The following USH2A variants were observed in gnomAD, a reference collection of about 807,000 sequenced individuals.
The protein encoded by USH2A is usherin.
USH2A carries 443 observed loss-of-function variants against 538.9 expected under a neutral mutation model. The observed-to-expected ratio is 0.82, with a 90% CI of 0.76 to 0.89. The LOEUF (loss-of-function observed/expected upper bound fraction) is 0.89, where lower values mean the gene tolerates loss of function less well. USH2A is among the 40% of genes least tolerant of loss of function. The pLI is 0.00. For missense variants in USH2A, 6,633 were observed against 6,324.8 expected (o/e 1.05, Z -1.65); for synonymous variants, 2,413 against 2,273.5 (o/e 1.06, Z -1.75).
intron 13 of USH2A, among the ~76,000 whole-genome samples, chr1:216,241,497 C>T (rs2102537170): frequency 6.6e-6 from 1 of 151,186 alleles, no homozygotes; most frequent in African/African-American, 2.4e-5. Flanking sequence ...TTTCCTGGCT[C>T]TTTTTTTGGA....
intron 4 of USH2A, among the ~76,000 whole-genome samples, chr1:216,355,035 T>C (rs963533219): frequency 1.3e-5 from 2 of 151,950 alleles, no homozygotes; most frequent in Admixed American, 1.3e-4. Context: ...AGGCCAGGCA[T>C]GGTGGCTCAC....
At chr1:216,198,672 GC>G in intron 17 of USH2A, 88 bp from the exon 18 acceptor site, 1 of 1,186,784 alleles carries the variant, frequency 8.4e-7, no homozygotes, top group South Asian at 1.3e-5. Flanking sequence ...GTTAAAGAGT[GC>G]TGGATATTCA....
At chr1:216,360,731 C>A (rs1284499165) in intron 4 of USH2A, among the ~76,000 whole-genome samples, 1 of 151,836 alleles carries the variant, frequency 6.6e-6, no homozygotes. Context: ...GAAGGAAAAC[C>A]AATGAATATG....
chr1:216,198,233 T>G, intron 18 of USH2A, 82 bp downstream of exon 18: 1 of 1,598,548 alleles, frequency 6.3e-7, no homozygotes, highest in Non-Finnish European at 8.5e-7. Flanking sequence ...CAAAATGTAC[T>G]TTCACAGTAC....
intron 38 of USH2A, among the ~76,000 whole-genome samples, chr1:215,931,089 G>A (rs1279115119): frequency 6.6e-6 from 1 of 151,750 alleles, no homozygotes; most frequent in Non-Finnish European, 1.5e-5. Flanking sequence ...AAACAGAGAC[G>A]CCCCTCCAGT....
intron 62 of USH2A, among the ~76,000 whole-genome samples, chr1:215,677,408 C>T (rs1658069043): frequency 6.6e-6 from 1 of 152,202 alleles, no homozygotes; most frequent in Admixed American, 6.5e-5. Flanking sequence ...ATCCCACAGT[C>T]TCCACCTATT....
At chr1:216,208,921 G>A (rs1409633455) in intron 15 of USH2A, among the ~76,000 whole-genome samples, 1 of 152,098 alleles carries the variant, frequency 6.6e-6, no homozygotes, top group Non-Finnish European at 1.5e-5. Flanking sequence ...GGTTTTTATT[G>A]GGGGCTGTTC....
intron 36 of USH2A, among the ~76,000 whole-genome samples, chr1:215,966,734 C>G (rs1446045022): frequency 6.6e-6 from 1 of 152,026 alleles, no homozygotes; most frequent in Non-Finnish European, 1.5e-5. Flanking sequence ...TATTTTATGA[C>G]AATGTAATTT....
intron 5 of USH2A, 31 bp from the exon 6 acceptor site, chr1:216,325,630 C>G (rs567188455): frequency 6.2e-7 from 1 of 1,604,540 alleles, no homozygotes; most frequent in South Asian, 1.1e-5. Flanking sequence ...ACTGTAAGGA[C>G]AAAGAGCTTA....
At chr1:216,386,916 G>A (rs2039018693) in intron 3 of USH2A, among the ~76,000 whole-genome samples, 1 of 152,126 alleles carries the variant, frequency 6.6e-6, no homozygotes, top group South Asian at 2.1e-4. Context: ...GCAGCTTTCA[G>A]TGAAGAGCTT....
chr1:216,095,891 G>C (rs544221736), intron 22 of USH2A, among the ~76,000 whole-genome samples: 6 of 152,282 alleles, frequency 3.9e-5, no homozygotes, highest in Admixed American at 2.6e-4. Context: ...TGGATACAGA[G>C]GGTGAACGTT....
intron 21 of USH2A, among the ~76,000 whole-genome samples, chr1:216,164,144 A>G (rs1461561598): frequency 6.6e-6 from 1 of 152,140 alleles, no homozygotes; most frequent in African/African-American, 2.4e-5. Context: ...GACAGCAATC[A>G]TAACATCAGC....
rs777043718 is a variant in USH2A at position 215,782,764 on chromosome 1, T to A, written c.10559A>T (p.Asn3520Ile). ...IDNLEDTIVL[N>I]WRKPIQSNGP... ...ATTTGATTGTATAGGTTTTCTCCAG[T>A]TTAAGACAATTGTATCTTCAAGATT... is the stretch of plus-strand genomic sequence containing the variant. The change falls in exon 53 of 72, where the codon AAC (asparagine) becomes ATC (isoleucine). Residue 3520 changes from asparagine (N) to isoleucine (I), a missense_variant. Asn to Ile is a moderately radical substitution (Grantham distance 149). Transcript: ENST00000307340. 1 of 1,613,912 alleles carries A rather than the reference T, an allele frequency of 6.2e-7. No homozygotes were observed. The highest frequency in any genetic ancestry group is 8.5e-7 in the Non-Finnish European group (1 of 1,179,874).
In USH2A at chr1:215,759,678, T is replaced by C. The variant is rs1416382590; in HGVS notation, c.11213A>G (p.Asn3738Ser). ...AGTTTACCTGCTATTGGGCTCCAGGTTTTTATCAGTGAAATTCTGCTCCTC... is the reference window on the plus strand; with the variant it reads ...AGTTTACCTGCTATTGGGCTCCAGGCTTTTATCAGTGAAATTCTGCTCCTC... ...GSEEQNFTDK[N>S]LEPNSRYTYK... Residue 3738 changes from asparagine (N) to serine (S), a missense_variant, in exon 57 of 72, where the codon AAC (asparagine) becomes AGC (serine). Transcript: ENST00000307340. 6.2e-7 allele frequency: 1 copy of C among 1,613,964 alleles called. No homozygotes were observed. The highest frequency in any genetic ancestry group is 1.7e-5 in the Admixed American group (1 of 60,006).
At chr1:215,896,567 C>T (rs1199232526) in intron 40 of USH2A, among the ~76,000 whole-genome samples, 1 of 152,086 alleles carries the variant, frequency 6.6e-6, no homozygotes, top group Non-Finnish European at 1.5e-5. Context: ...AAGAATACAT[C>T]CACATTTAAG....
At chr1:216,102,731 C>T (rs1393745943) in intron 21 of USH2A, among the ~76,000 whole-genome samples, 1 of 152,126 alleles carries the variant, frequency 6.6e-6, no homozygotes, top group African/African-American at 2.4e-5. Flanking sequence ...ACCCGAAAGG[C>T]GGAGCTTGCA....
At chr1:215,904,792 A>G (rs1665590271) in intron 38 of USH2A, among the ~76,000 whole-genome samples, 1 of 152,124 alleles carries the variant, frequency 6.6e-6, no homozygotes, top group Non-Finnish European at 1.5e-5. Context: ...TATAAACTCA[A>G]AGGAAGTGGG....
chr1:216,236,420 C>G (rs925985604), intron 13 of USH2A, among the ~76,000 whole-genome samples: 1 of 152,122 alleles, frequency 6.6e-6, no homozygotes, highest in African/African-American at 2.4e-5. Flanking sequence ...TCAGTTTCCC[C>G]TACTAAATCA....
intron 52 of USH2A, among the ~76,000 whole-genome samples, chr1:215,784,680 T>C (rs1020329665): frequency 6.6e-5 from 10 of 152,206 alleles, no homozygotes; most frequent in African/African-American, 2.4e-4. Flanking sequence ...TAATCTAAAT[T>C]GTTCTCAATG....
Sources: gnomAD v4.1 joint callset for allele counts (sites outside exome capture counted in the v4.1 genomes callset) on GRCh38, gnomAD v4.1.1 for gene constraint, MANE v1.5 for transcripts, NCBI Gene and HGNC (gene_info 2026-07-23, HGNC 2026-07-21) for gene names.